The following CACNG7 variants were observed in gnomAD, a reference collection of about 807,000 sequenced individuals.
CACNG7 encodes calcium voltage-gated channel auxiliary subunit gamma 7.
In CACNG7, 9 loss-of-function variants were observed where a neutral mutation model predicts 26.3. That is an observed-to-expected ratio of 0.34 (90% CI 0.21 to 0.60). The LOEUF (loss-of-function observed/expected upper bound fraction) is 0.60, where lower values mean the gene tolerates loss of function less well. Among genes scored for constraint, CACNG7 ranks in the 20% least tolerant of loss-of-function variants. The pLI is 0.81. For synonymous variants in CACNG7, 170 were observed against 157.0 expected (o/e 1.08, Z -0.62); for missense variants, 297 against 380.4 (o/e 0.78, Z 1.82).
In CACNG7 at chr19:53,942,564, G is replaced by GC. The variant is rs2069145927; in HGVS notation, c.*275dup. On this transcript the variant is annotated 3_prime_UTR_variant, in exon 6 of 6. Coordinates refer to ENST00000391767, the MANE Select transcript of CACNG7 (RefSeq NM_031896.5). The surrounding 1 kb of genome is among the most constrained non-coding windows in gnomAD (Gnocchi z 5.9). ...TTCGTTGGCCCGCCCCTTTCCTCTG[G>GC]CCCCTCCTCTCCAAGAAAATTAGCT... 9 of 1,351,332 alleles carry GC rather than the reference G, an allele frequency of 6.7e-6. No individual in the cohort carries two copies. The highest frequency in any genetic ancestry group is 2.8e-5 in the East Asian group (1 of 35,226). 83.7% of individuals were successfully genotyped at this position (1,351,332 alleles called of 1,614,324 possible). A position where few individuals can be genotyped will look rare whatever the true frequency, so the allele number is the denominator to read the frequency against.
At chr19:53,936,441 G>A (rs2069105800) in intron 4 of CACNG7, among the ~76,000 whole-genome samples, 1 of 152,100 alleles carries the variant, frequency 6.6e-6, no homozygotes, top group Admixed American at 6.6e-5. Context: ...CGTGACTCTT[G>A]CCTGAATCTA....
At position 53,923,636 on chromosome 19, in the gene CACNG7, T is replaced by A. The variant is rs867258809; in HGVS notation, c.424+8131T>A. Among the ~76,000 whole-genome samples the A allele has an allele frequency of 4.8e-3, 580 of 120,246 alleles. 3 individuals are homozygous for A. The highest frequency in any genetic ancestry group is 0.022 in the South Asian group (67 of 3,032). The allele number at this position is 120,246 out of a possible 152,430, so 78.9% of individuals were successfully genotyped here. ...TGGTCATTGGTGGAGTTGTCCCAGG[T>A]CTGGTCATTGGTGCAGTTGCCCCAG... On this transcript the variant is annotated intron_variant, in intron 4 of 5. Transcript: ENST00000391767.
At chr19:53,938,820 C>T (rs2069120779) in intron 4 of CACNG7, among the ~76,000 whole-genome samples, 1 of 151,462 alleles carries the variant, frequency 6.6e-6, no homozygotes, top group African/African-American at 2.4e-5. Context: ...TGGTGGTGTG[C>T]ACCTGTAGTC....
intron 4 of CACNG7, among the ~76,000 whole-genome samples, chr19:53,917,341 C>G (rs185198560): frequency 6.6e-6 from 1 of 152,100 alleles, no homozygotes; most frequent in African/African-American, 2.4e-5. Context: ...ATGAACAAAC[C>G]CCACTGCATG....
chr19:53,917,091 C>T (rs1030858840), intron 4 of CACNG7, among the ~76,000 whole-genome samples: 1 of 152,178 alleles, frequency 6.6e-6, no homozygotes, highest in African/African-American at 2.4e-5. Context: ...AGCCACTGTG[C>T]CTGGCCTAAA....
chr19:53,930,592 C>G (rs949171341), intron 4 of CACNG7, among the ~76,000 whole-genome samples: 1 of 152,094 alleles, frequency 6.6e-6, no homozygotes, highest in Admixed American at 6.6e-5. Flanking sequence ...CCAGGATGGT[C>G]TTGAACTCCT....
intron 4 of CACNG7, among the ~76,000 whole-genome samples, chr19:53,918,821 T>G (rs1174081322): frequency 6.6e-6 from 1 of 152,092 alleles, no homozygotes. Context: ...CAGGCTGGAG[T>G]GCAATGGCGC....
chr19:53,942,343 G>T lies in CACNG7; in HGVS notation c.*50G>T, dbSNP rs1427528128. Reference sequence around the variant, plus strand: ...GCCTCCTCCTCCTCCTCGTCTTAGGGGGGTCTCCCTGCAATGCAGCGCCCC... The same window carrying T: ...GCCTCCTCCTCCTCCTCGTCTTAGGTGGGTCTCCCTGCAATGCAGCGCCCC... On this transcript the variant is annotated 3_prime_UTR_variant, in exon 6 of 6. Transcript: ENST00000391767. The surrounding 1 kb of genome is among the most constrained non-coding windows in gnomAD (Gnocchi z 5.9). 1.3e-5 allele frequency: 20 copies of T among 1,563,486 alleles called. No individual in the cohort carries two copies. The highest frequency in any genetic ancestry group is 1.3e-5 in the Non-Finnish European group (15 of 1,155,732).
Position 53,926,723 on chromosome 19 carries a change from G to C in CACNG7, c.424+11218G>C, listed in dbSNP as rs183080514. ...AGGTCAGGAGTTCGAGACCAGCCTG[G>C]CCAACATGGTGAAACCCTATCTCCA... On this transcript the variant is annotated intron_variant, in intron 4 of 5. Transcript: ENST00000391767. Among the ~76,000 whole-genome samples the C allele has an allele frequency of 1.1e-3, 167 of 152,098 alleles. 1 individual carries two copies. The East Asian group carries it at 0.029, about 27-fold the overall frequency.
chr19:53,934,760 G>T (rs938552693), intron 4 of CACNG7, among the ~76,000 whole-genome samples: 24 of 151,814 alleles, frequency 1.6e-4, no homozygotes, highest in African/African-American at 5.6e-4. Context: ...GCCATAGAGC[G>T]AGACCCCATC....
intron 4 of CACNG7, among the ~76,000 whole-genome samples, chr19:53,923,793 C>T (rs1214152577): frequency 1.6e-5 from 2 of 121,570 alleles, no homozygotes; most frequent in African/African-American, 3.6e-5. Flanking sequence ...TGCAGTTGCC[C>T]CAGGTCTGGT....
chr19:53,915,632 C>G, intron 4 of CACNG7, 127 bp downstream of exon 4: 2 of 1,073,030 alleles, frequency 1.9e-6, no homozygotes, highest in East Asian at 2.6e-5. Flanking sequence ...CTGAGCCCCA[C>G]TTTCCTTCTA....
chr19:53,919,225 A>G (rs774741155), intron 4 of CACNG7, among the ~76,000 whole-genome samples: 1 of 152,228 alleles, frequency 6.6e-6, no homozygotes, highest in Admixed American at 6.5e-5. Context: ...AATAGTACCA[A>G]TGCCTTGGGA....
chr19:53,930,520 CTG>C, intron 4 of CACNG7, among the ~76,000 whole-genome samples: 2 of 152,144 alleles, frequency 1.3e-5, no homozygotes, highest in African/African-American at 2.4e-5. Flanking sequence ...TTGCAGGTGC[CTG>C]CCACCACGCT....
intron 4 of CACNG7, among the ~76,000 whole-genome samples, chr19:53,928,015 A>G (rs1337056704): frequency 7.0e-6 from 1 of 143,592 alleles, no homozygotes; most frequent in Non-Finnish European, 1.5e-5. Context: ...GATGTAGTTG[A>G]GGGGGTGGGA....
intron 4 of CACNG7, among the ~76,000 whole-genome samples, chr19:53,924,376 T>C (rs1481013544): frequency 1.5e-5 from 2 of 137,308 alleles, no homozygotes; most frequent in Admixed American, 1.5e-4. Context: ...CCAGGTCTGG[T>C]CATTGGTGGA....
chr19:53,915,487 A>G lies in CACNG7; in HGVS notation c.406A>G (p.Ile136Val), dbSNP rs2068890945. Residue 136 changes from isoleucine (I) to valine (V), a missense_variant, in exon 4 of 6, where the codon ATC becomes GTC. Physicochemically the swap from Ile to Val is conservative, Grantham distance 29 (BLOSUM62 3). Transcript: ENST00000391767. ...QRTILAFVSGIFFILSGLSLV... is the reference protein window; with the variant it reads ...QRTILAFVSGVFFILSGLSLV... ...GACCATTCTGGCTTTTGTCTCTGGCATCTTCTTCATACTATCGGGTGAGCC... is the reference window on the plus strand; with the variant it reads ...GACCATTCTGGCTTTTGTCTCTGGCGTCTTCTTCATACTATCGGGTGAGCC... 1 of 1,614,052 alleles carries G rather than the reference A, an allele frequency of 6.2e-7. No homozygotes were observed. The highest frequency in any genetic ancestry group is 8.5e-7 in the Non-Finnish European group (1 of 1,180,012).
At chr19:53,936,457 A>T (rs2069105881) in intron 4 of CACNG7, among the ~76,000 whole-genome samples, 2 of 152,214 alleles carry the variant, frequency 1.3e-5, no homozygotes, top group South Asian at 4.1e-4. Context: ...ATCTAACATT[A>T]CTACTAGGAT....
rs898408434 is a variant in CACNG7 at position 53,941,946 on chromosome 19, G to C, written c.571-90G>C. The C allele has an allele frequency of 3.5e-6, 5 of 1,427,370 alleles. No individual in the cohort carries two copies. The African/African-American group carries it at 7.2e-5, about 21-fold the overall frequency. The allele number at this position is 1,427,370 out of a possible 1,614,324, so 88.4% of individuals were successfully genotyped here. A position where few individuals can be genotyped will look rare whatever the true frequency, so the allele number is the denominator to read the frequency against. Reference sequence around the variant, plus strand: ...GGGATAGGAAGGGGCTTGGGGTGGGGACTCTGAGTCCTGGAGTGAGAGGAG... The same window carrying C: ...GGGATAGGAAGGGGCTTGGGGTGGGCACTCTGAGTCCTGGAGTGAGAGGAG... On this transcript the variant is annotated intron_variant, in intron 5 of 5. Transcript: ENST00000391767.
Sources: allele counts gnomAD v4.1 joint callset (sites outside exome capture counted in the v4.1 genomes callset), GRCh38; gene constraint gnomAD v4.1.1; non-coding constraint Gnocchi (gnomAD v3.1); transcripts MANE v1.5; gene names NCBI Gene and HGNC (gene_info 2026-07-23, HGNC 2026-07-21).